Variants in SLC35E2B observed in about 807,000 individuals in gnomAD.
SLC35E2B encodes solute carrier family 35 member E2B, also known as solute carrier family 35, member E2B.
A neutral mutation model predicts 32.4 loss-of-function variants in SLC35E2B; 18 were observed. The observed-to-expected ratio is 0.56, with a 90% CI of 0.38 to 0.82. The LOEUF is 0.82. Among genes scored for constraint, SLC35E2B ranks in the 40% least tolerant of loss-of-function variants. The pLI, the probability that SLC35E2B is intolerant of heterozygous loss-of-function variation, is 0.00. For synonymous variants in SLC35E2B, 132 were observed against 209.1 expected (o/e 0.63, Z 3.18); for missense variants, 263 against 469.5 (o/e 0.56, Z 4.06).
intron 2 of SLC35E2B, among the ~76,000 whole-genome samples, chr1:1,685,319 T>TG: frequency 7.6e-6 from 1 of 130,762 alleles, no homozygotes; most frequent in South Asian, 2.4e-4. Flanking sequence ...CCAGCTGAGG[T>TG]GGGGGGACTG....
chr1:1,682,150 G>A (rs1643905450), intron 2 of SLC35E2B, among the ~76,000 whole-genome samples: 1 of 151,488 alleles, frequency 6.6e-6, no homozygotes, highest in Non-Finnish European at 1.5e-5. Flanking sequence ...ATGAGTGACC[G>A]TGCCCGGCTG....
At chr1:1,678,906 G>A (rs1466076786) in intron 2 of SLC35E2B, among the ~76,000 whole-genome samples, 2 of 152,114 alleles carry the variant, frequency 1.3e-5, no homozygotes, top group Admixed American at 1.3e-4. Flanking sequence ...CAGCTACCTG[G>A]CTTTCCTGAG....
intron 2 of SLC35E2B, among the ~76,000 whole-genome samples, chr1:1,690,307 A>AAAAAAATAC (rs1553172032): frequency 1.0e-5 from 1 of 100,492 alleles, no homozygotes; most frequent in African/African-American, 3.3e-5. Flanking sequence ...AACAAAAAAA[A>AAAAAAATAC]ATATATATAT....
Position 1,671,132 on chromosome 1 carries a change from C to A in SLC35E2B, c.707+377G>T, listed in dbSNP as rs190642599. On this transcript the variant is annotated intron_variant, in intron 6 of 9. Coordinates refer to ENST00000617444, the MANE Select transcript of SLC35E2B (RefSeq NM_001290264.2). ...GCCACAAGGAAGCAGAGGATCCGCCCGACCTGGAGGCCGCGCAGCTCCCAA... is the reference window on the plus strand; with the variant it reads ...GCCACAAGGAAGCAGAGGATCCGCCAGACCTGGAGGCCGCGCAGCTCCCAA... 3.4e-3 allele frequency: 543 copies of A among 157,436 alleles called. 16 individuals carry two copies. Among genetic ancestry groups the A allele is most frequent in the Admixed American group, 0.033 (512 of 15,416 alleles). The allele number at this position is 157,436 out of a possible 1,614,324, so 9.8% of individuals were successfully genotyped here.
intron 2 of SLC35E2B, among the ~76,000 whole-genome samples, chr1:1,688,895 G>C (rs1338960114): frequency 6.6e-6 from 1 of 151,680 alleles, no homozygotes; most frequent in African/African-American, 2.4e-5. Context: ...CTCGAGGTCG[G>C]GCGCGGTGGC....
At chr1:1,687,813 T>C (rs1643970154) in intron 2 of SLC35E2B, among the ~76,000 whole-genome samples, 2 of 151,796 alleles carry the variant, frequency 1.3e-5, no homozygotes, top group Admixed American at 1.3e-4. Flanking sequence ...GAGAATCGCT[T>C]GAACCCGGAG....
At position 1,663,871 on chromosome 1, in the gene SLC35E2B, C is replaced by T. The variant is rs1484258703; in HGVS notation, c.*1911G>A. ...CGCAGTGAGCACACACCTGGCCTGT[C>T]CTCCACACACAGGTCAGCGGTTTTA... On this transcript the variant is annotated 3_prime_UTR_variant, in exon 10 of 10. Coordinates refer to ENST00000617444, the MANE Select transcript of SLC35E2B (RefSeq NM_001290264.2). 4 of 879,088 alleles carry T rather than the reference C, an allele frequency of 4.6e-6. No homozygotes were observed. The highest frequency in any genetic ancestry group is 1.3e-4 in the Admixed American group (2 of 15,402). 54.5% of individuals were successfully genotyped at this position (879,088 alleles called of 1,614,324 possible).
At chr1:1,689,033 G>A (rs1184190770) in intron 2 of SLC35E2B, among the ~76,000 whole-genome samples, 2 of 151,944 alleles carry the variant, frequency 1.3e-5, no homozygotes, top group Non-Finnish European at 2.9e-5. Flanking sequence ...TTAGCTGGAC[G>A]TGGTGGTGGG....
At chr1:1,669,802 C>G (rs759740113) in intron 7 of SLC35E2B, 66 bp from the exon 8 acceptor site, 2 of 1,500,192 alleles carry the variant, frequency 1.3e-6, no homozygotes, top group African/African-American at 2.8e-5. Context: ...GCAGCTCCCT[C>G]ACAGCAAGAA....
rs183853330 is a variant in SLC35E2B, at chr1:1,682,806, G to A, written c.-147-5960C>T. Among the ~76,000 whole-genome samples the A allele has an allele frequency of 1.7e-4, 26 of 152,178 alleles. No homozygotes were observed. In the East Asian group the frequency reaches 4.6e-3, roughly 27 times the overall value. ...GTTCAAGGTTTACATGGGGGAGGCCGGGCTTGGTGGCTCACGCCTGTAATC... is the reference window on the plus strand; with the variant it reads ...GTTCAAGGTTTACATGGGGGAGGCCAGGCTTGGTGGCTCACGCCTGTAATC... On this transcript the variant is annotated intron_variant, in intron 2 of 9. Coordinates refer to ENST00000617444, the MANE Select transcript of SLC35E2B (RefSeq NM_001290264.2).
intron 2 of SLC35E2B, among the ~76,000 whole-genome samples, chr1:1,681,151 GCAAA>G (rs994859641): frequency 6.0e-4 from 92 of 152,222 alleles, no homozygotes; most frequent in African/African-American, 2.2e-3. Flanking sequence ...CGGTACAAAT[GCAAA>G]CAGATTCCGG....
chr1:1,666,370 G>A (rs369590592), intron 9 of SLC35E2B, among the ~76,000 whole-genome samples: 3 of 152,256 alleles, frequency 2.0e-5, no homozygotes, highest in South Asian at 2.1e-4. Flanking sequence ...TGATCTAGAC[G>A]CAGGAATTCA....
At chr1:1,687,178 C>T (rs1042634398) in intron 2 of SLC35E2B, among the ~76,000 whole-genome samples, 7 of 152,310 alleles carry the variant, frequency 4.6e-5, no homozygotes, top group South Asian at 2.1e-4. Flanking sequence ...GGCGGACGGG[C>T]GACACGCACG....
chr1:1,687,764 G>A (rs1281377123), intron 2 of SLC35E2B, among the ~76,000 whole-genome samples: 4 of 151,316 alleles, frequency 2.6e-5, no homozygotes, highest in Non-Finnish European at 2.9e-5. Flanking sequence ...TAATCCTGGC[G>A]GGTGCCTGTA....
Position 1,669,650 on chromosome 1 carries a change from T to A in SLC35E2B, c.834+14A>T, listed in dbSNP as rs1346496949. ...CCGGCAAGTAAGGACGGGACGCCTG[T>A]GTCTGAAACCCACCGTAAAGAAAAC... is the stretch of plus-strand genomic sequence containing the variant. On this transcript the variant is annotated intron_variant, in intron 8 of 9. Transcript: ENST00000617444. 4 of 1,517,534 alleles carry A rather than the reference T, an allele frequency of 2.6e-6. No individual in the cohort carries two copies. In the Admixed American group the frequency reaches 8.0e-5, roughly 30 times the overall value. The allele number at this position is 1,517,534 out of a possible 1,614,324, so 94.0% of individuals were successfully genotyped here.
intron 6 of SLC35E2B, 199 bp from the exon 7 acceptor site, chr1:1,670,350 G>C: frequency 1.9e-6 from 1 of 515,020 alleles, no homozygotes; most frequent in East Asian, 3.4e-5. Context: ...TCCAACTCCT[G>C]ACCTCAAGTG....
intron 6 of SLC35E2B, 144 bp downstream of exon 6, chr1:1,671,365 T>C: frequency 1.1e-6 from 1 of 946,640 alleles, no homozygotes; most frequent in Non-Finnish European, 1.4e-6. Flanking sequence ...ATACCTGTTG[T>C]TTTGCTCTTT....
chr1:1,686,348 A>T (rs1643951212), intron 2 of SLC35E2B, among the ~76,000 whole-genome samples: 1 of 126,314 alleles, frequency 7.9e-6, no homozygotes, highest in Non-Finnish European at 1.6e-5. Context: ...TTGCTGACTC[A>T]TGGGTTAGAA....
intron 2 of SLC35E2B, among the ~76,000 whole-genome samples, chr1:1,679,133 G>C (rs1331776655): frequency 1.3e-5 from 2 of 152,116 alleles, no homozygotes; most frequent in African/African-American, 4.8e-5. Flanking sequence ...CACCACCAGC[G>C]AGTTTCTAAA....
Sources: gnomAD v4.1 joint callset for allele counts (sites outside exome capture counted in the v4.1 genomes callset) on GRCh38, gnomAD v4.1.1 for gene constraint, MANE v1.5 for transcripts, NCBI Gene and HGNC (gene_info 2026-07-23, HGNC 2026-07-21) for gene names.